Variants in CHST9 observed in about 807,000 individuals in gnomAD.
CHST9 encodes carbohydrate sulfotransferase 9.
A neutral mutation model predicts 44.4 loss-of-function variants in CHST9; 41 were observed. The observed-to-expected ratio is 0.92, with a 90% CI of 0.72 to 1.20. The LOEUF (loss-of-function observed/expected upper bound fraction) is 1.20, where lower values mean the gene tolerates loss of function less well. Ranked by LOEUF, CHST9 falls within the 50% of genes most tolerant of loss-of-function variation. The probability of loss-of-function intolerance (pLI) is 0.00; values close to 1 mark genes in which losing one functional copy is unlikely to be tolerated. For missense variants in CHST9, 504 were observed against 516.5 expected (o/e 0.98, Z 0.23); for synonymous variants, 171 against 178.4 (o/e 0.96, Z 0.33).
chr18:27,087,387 C>T (rs914001737), intron 2 of CHST9, among the ~76,000 whole-genome samples: 1 of 152,178 alleles, frequency 6.6e-6, no homozygotes, highest in Non-Finnish European at 1.5e-5. Context: ...AGCAAAATCA[C>T]CTTTCTAACT....
intron 2 of CHST9, among the ~76,000 whole-genome samples, chr18:27,085,845 C>G (rs2058007585): frequency 6.6e-6 from 1 of 152,090 alleles, no homozygotes; most frequent in Non-Finnish European, 1.5e-5. Flanking sequence ...ACTGTTCACA[C>G]TAGCAAAGAC....
At chr18:27,180,715 C>T (rs2058905362) in intron 1 of CHST9, among the ~76,000 whole-genome samples, 1 of 152,080 alleles carries the variant, frequency 6.6e-6, no homozygotes, top group Admixed American at 6.5e-5. Context: ...ACTGTAGGTC[C>T]CCATTATTTC....
rs1198429672 is a variant in CHST9, at chr18:26,906,954, G to A, written c.*9305C>T. The A allele has an allele frequency of 6.6e-6, 1 of 152,250 alleles. No homozygotes were observed. The highest frequency in any genetic ancestry group is 2.4e-5 in the African/African-American group (1 of 41,426). 9.4% of individuals were successfully genotyped at this position (152,250 alleles called of 1,614,324 possible). On this transcript the variant is annotated 3_prime_UTR_variant, in exon 6 of 6. Coordinates refer to ENST00000618847, the MANE Select transcript of CHST9 (RefSeq NM_031422.6). The stretch of plus-strand genomic sequence containing the variant: ...GAGATTAAGCCAGGAGGCAGAAAAT[G>A]GCCAGAAATATGCCTGGAGAAGAAT...
chr18:27,038,607 T>C (rs781595617), intron 3 of CHST9, among the ~76,000 whole-genome samples: 1 of 152,162 alleles, frequency 6.6e-6, no homozygotes, highest in African/African-American at 2.4e-5. Flanking sequence ...TGGCCACATG[T>C]GGCTGTTGAG....
intron 3 of CHST9, among the ~76,000 whole-genome samples, chr18:27,046,289 T>G (rs189745366): frequency 3.9e-5 from 6 of 152,176 alleles, no homozygotes; most frequent in Admixed American, 3.3e-4. Flanking sequence ...AAACAAAGAA[T>G]TAACCTTAAC....
intron 3 of CHST9, among the ~76,000 whole-genome samples, chr18:27,025,125 T>C (rs930926654): frequency 1.4e-5 from 2 of 148,142 alleles, no homozygotes; most frequent in African/African-American, 4.9e-5. Flanking sequence ...TCATACCATA[T>C]ATTTTATATA....
chr18:27,060,541 T>C (rs953897465), intron 2 of CHST9, among the ~76,000 whole-genome samples: 1 of 152,108 alleles, frequency 6.6e-6, no homozygotes, highest in Non-Finnish European at 1.5e-5. Flanking sequence ...GGGTCCCAAC[T>C]AGATGCAGTC....
intron 4 of CHST9, among the ~76,000 whole-genome samples, chr18:26,972,491 A>G (rs2056562361): frequency 6.6e-6 from 1 of 152,054 alleles, no homozygotes; most frequent in Non-Finnish European, 1.5e-5. Flanking sequence ...CAGGAGCGCA[A>G]AAGCCCTAAA....
chr18:26,974,679 C>CAT (rs2056595084), intron 4 of CHST9, among the ~76,000 whole-genome samples: 1 of 142,098 alleles, frequency 7.0e-6, no homozygotes, highest in Admixed American at 7.0e-5. Context: ...TTTTTTTTTC[C>CAT]TTTTTTTTTT....
intron 2 of CHST9, among the ~76,000 whole-genome samples, chr18:27,142,447 G>A (rs2058575790): frequency 6.6e-6 from 1 of 152,108 alleles, no homozygotes; most frequent in Non-Finnish European, 1.5e-5. Flanking sequence ...GCTGGACTGT[G>A]GGAGCACTGC....
intron 4 of CHST9, among the ~76,000 whole-genome samples, chr18:26,960,156 G>C (rs549627749): frequency 6.6e-6 from 1 of 152,170 alleles, no homozygotes; most frequent in African/African-American, 2.4e-5. Context: ...CCCACAGGAG[G>C]CAGAAATAGA....
chr18:27,003,619 T>A (rs956495052), intron 4 of CHST9, among the ~76,000 whole-genome samples: 3 of 152,168 alleles, frequency 2.0e-5, no homozygotes, highest in African/African-American at 7.2e-5. Flanking sequence ...TGCTGAGACA[T>A]CTGATATTCC....
At chr18:27,152,357 T>A (rs996320668) in intron 1 of CHST9, among the ~76,000 whole-genome samples, 4 of 152,072 alleles carry the variant, frequency 2.6e-5, no homozygotes, top group African/African-American at 9.7e-5. Flanking sequence ...TTTTTCATTT[T>A]AAGCAACAAT....
chr18:26,923,409 A>G (rs2055699796), intron 5 of CHST9, among the ~76,000 whole-genome samples: 1 of 152,220 alleles, frequency 6.6e-6, no homozygotes, highest in African/African-American at 2.4e-5. Context: ...TTAAATCTAT[A>G]TAACCCCCAC....
rs923496496 is a variant in CHST9, at chr18:26,909,932, A to C, written c.*6327T>G. 1.8e-4 allele frequency: 27 copies of C among 152,250 alleles called. No homozygotes were observed. Among genetic ancestry groups the C allele is most frequent in the Non-Finnish European group, 2.8e-4 (19 of 68,096 alleles). The allele number at this position is 152,250 out of a possible 1,614,324, so 9.4% of individuals were successfully genotyped here. A position where few individuals can be genotyped will look rare whatever the true frequency, so the allele number is the denominator to read the frequency against. The stretch of plus-strand genomic sequence containing the variant: ...GGCATGTTATAAATCAGAAAGAAGA[A>C]TCTTCGGAGAAGGCTGGGAAGCAGG... On this transcript the variant is annotated 3_prime_UTR_variant, in exon 6 of 6. Transcript: ENST00000618847.
intron 4 of CHST9, among the ~76,000 whole-genome samples, chr18:26,969,713 G>A (rs1678088655): frequency 6.6e-6 from 1 of 152,132 alleles, no homozygotes; most frequent in South Asian, 2.1e-4. Flanking sequence ...ATAAATTAGG[G>A]TGATGAGCTA....
At chr18:27,127,992 A>C (rs2058439671) in intron 2 of CHST9, among the ~76,000 whole-genome samples, 1 of 152,188 alleles carries the variant, frequency 6.6e-6, no homozygotes, top group South Asian at 2.1e-4. Flanking sequence ...AGGAGAAAGT[A>C]ACATAAAAGC....
At chr18:26,942,999 T>C (rs1319387329) in intron 5 of CHST9, among the ~76,000 whole-genome samples, 1 of 152,074 alleles carries the variant, frequency 6.6e-6, no homozygotes, top group Non-Finnish European at 1.5e-5. Flanking sequence ...TCTCAGCTAC[T>C]TGGGAGGCTG....
intron 4 of CHST9, among the ~76,000 whole-genome samples, chr18:27,013,421 A>G (rs1423217156): frequency 2.0e-5 from 3 of 152,230 alleles, no homozygotes; most frequent in Non-Finnish European, 4.4e-5. Flanking sequence ...TTGATTGATC[A>G]TTTGGCATGA....
Sources: gnomAD v4.1 joint callset for allele counts (sites outside exome capture counted in the v4.1 genomes callset) on GRCh38, gnomAD v4.1.1 for gene constraint, MANE v1.5 for transcripts, NCBI Gene and HGNC (gene_info 2026-07-23, HGNC 2026-07-21) for gene names.